The following SLC24A2 variants were observed in gnomAD, a reference collection of about 807,000 sequenced individuals.
SLC24A2 encodes the protein sodium/potassium/calcium exchanger 2.
A neutral mutation model predicts 62.0 loss-of-function variants in SLC24A2; 36 were observed. The observed-to-expected ratio is 0.58, with a 90% CI of 0.44 to 0.77. The LOEUF is 0.77. Among genes scored for constraint, SLC24A2 ranks in the 30% least tolerant of loss-of-function variants. The pLI, the probability that SLC24A2 is intolerant of heterozygous loss-of-function variation, is 0.00. For missense variants in SLC24A2, 846 were observed against 817.9 expected (o/e 1.03, Z -0.42); for synonymous variants, 358 against 294.0 (o/e 1.22, Z -2.23).
At chr9:19,748,498 T>C (rs1267720546) in intron 2 of SLC24A2, among the ~76,000 whole-genome samples, 1 of 152,168 alleles carries the variant, frequency 6.6e-6, no homozygotes. Context: ...ATGAAAGATC[T>C]GTGAGTCACA....
intron 2 of SLC24A2, among the ~76,000 whole-genome samples, chr9:19,770,521 G>T (rs1564091476): frequency 1.3e-5 from 2 of 151,968 alleles, no homozygotes; most frequent in Admixed American, 6.6e-5. Context: ...CTGCAGTTTT[G>T]TTCTAGCATG....
the SLC24A2 span, among the ~76,000 whole-genome samples, chr9:20,111,850 T>A: frequency 0.11 from 17,034 of 152,002 alleles, 1,016 homozygotes; most frequent in Middle Eastern, 0.18. Context: ...CCAAAAAGAT[T>A]AAAAAAAATC....
the SLC24A2 span, among the ~76,000 whole-genome samples, chr9:20,216,137 T>G: frequency 2.6e-5 from 4 of 152,320 alleles, no homozygotes; most frequent in Non-Finnish European, 4.4e-5. Context: ...CTTGCAATAT[T>G]AGCTCCTGAT....
At chr9:19,782,037 G>C (rs1356202600) in intron 2 of SLC24A2, among the ~76,000 whole-genome samples, 3 of 152,192 alleles carry the variant, frequency 2.0e-5, no homozygotes, top group African/African-American at 7.2e-5. Flanking sequence ...AAATTACTAA[G>C]TAGTCTGGCC....
At chr9:20,261,040 G>A in the SLC24A2 span, among the ~76,000 whole-genome samples, 4 of 151,620 alleles carry the variant, frequency 2.6e-5, no homozygotes, top group African/African-American at 9.7e-5. Flanking sequence ...ATTTTTAGTA[G>A]AGACGGGGTT....
At chr9:19,851,474 C>T in the SLC24A2 span, among the ~76,000 whole-genome samples, 1 of 152,242 alleles carries the variant, frequency 6.6e-6, no homozygotes, top group Admixed American at 6.5e-5. Flanking sequence ...TGATGCTCTC[C>T]CATCCCCCAC....
chr9:19,731,089 C>A (rs1463891339), intron 2 of SLC24A2, among the ~76,000 whole-genome samples: 1 of 152,136 alleles, frequency 6.6e-6, no homozygotes, highest in Non-Finnish European at 1.5e-5. Context: ...CAACATAAGG[C>A]AGCTGATAAA....
the SLC24A2 span, among the ~76,000 whole-genome samples, chr9:19,956,281 A>C: frequency 6.6e-6 from 1 of 152,196 alleles, no homozygotes; most frequent in Non-Finnish European, 1.5e-5. Flanking sequence ...TCTGCTCCAT[A>C]ATTTGTTAAT....
At chr9:20,169,250 T>C in the SLC24A2 span, among the ~76,000 whole-genome samples, 3 of 151,908 alleles carry the variant, frequency 2.0e-5, no homozygotes, top group Non-Finnish European at 2.9e-5. Context: ...TGAAAAAGTT[T>C]GGAGTATAGA....
chr9:20,165,167 C>T, the SLC24A2 span, among the ~76,000 whole-genome samples: 2 of 151,648 alleles, frequency 1.3e-5, no homozygotes, highest in African/African-American at 4.8e-5. Flanking sequence ...GAAAATAACA[C>T]GGAAAAGCCT....
intron 5 of SLC24A2, among the ~76,000 whole-genome samples, chr9:19,585,594 G>A (rs927297089): frequency 2.0e-5 from 3 of 152,202 alleles, no homozygotes; most frequent in Admixed American, 2.0e-4. Flanking sequence ...ACAGAGCTAA[G>A]AAAGATATGC....
intron 8 of SLC24A2, among the ~76,000 whole-genome samples, chr9:19,543,331 T>C (rs1217384705): frequency 1.3e-5 from 2 of 152,142 alleles, no homozygotes; most frequent in Non-Finnish European, 2.9e-5. Context: ...TCTTTATTAG[T>C]CTGGCTAGCA....
At chr9:19,680,851 TTGTG>T (rs72142691) in intron 2 of SLC24A2, among the ~76,000 whole-genome samples, 23,711 of 146,748 alleles carry the variant, frequency 0.16, 1,972 homozygotes, top group Non-Finnish European at 0.2. Context: ...TATACCAGAG[TTGTG>T]TGTGTGTGTG....
At chr9:19,763,481 G>T (rs1208949528) in intron 2 of SLC24A2, among the ~76,000 whole-genome samples, 2 of 152,188 alleles carry the variant, frequency 1.3e-5, no homozygotes, top group African/African-American at 4.8e-5. Flanking sequence ...ATTATTTTGA[G>T]ATATGTTCCA....
chr9:19,793,977 T>A (rs552950192), upstream of SLC24A2, among the ~76,000 whole-genome samples: 2 of 152,208 alleles, frequency 1.3e-5, no homozygotes, highest in Non-Finnish European at 2.9e-5. Flanking sequence ...CTGGACTGAT[T>A]TTGTTTGCCT....
At chr9:19,710,855 C>T (rs1483816789) in intron 2 of SLC24A2, among the ~76,000 whole-genome samples, 2 of 152,112 alleles carry the variant, frequency 1.3e-5, no homozygotes, top group African/African-American at 4.8e-5. Context: ...AACACAGGGA[C>T]AAATGATCCT....
rs1485120603 is a variant in SLC24A2 at position 19,516,210 on chromosome 9, G to A, written c.1929C>T (p.Phe643=). The part of the protein sequence containing the change: ...GFIMFGLYFV[F]LVVSVLLEDR... ...CTTCTAGGAGAACGCTCACCACCAG[G>A]AACACAAAGTAGAGGCCAAACATGA... is the stretch of plus-strand genomic sequence containing the variant. Residue 643 remains phenylalanine (F), a synonymous_variant, in exon 11 of 11, where the codon TTC becomes TTT. Transcript: ENST00000341998. 3 of 1,614,162 alleles carry A rather than the reference G, an allele frequency of 1.9e-6. No individual in the cohort carries two copies. Among genetic ancestry groups the A allele is most frequent in the East Asian group, 2.2e-5 (1 of 44,880 alleles).
At chr9:19,905,534 G>A in the SLC24A2 span, among the ~76,000 whole-genome samples, 3 of 151,518 alleles carry the variant, frequency 2.0e-5, no homozygotes, top group Non-Finnish European at 2.9e-5. Flanking sequence ...TCAGCCTCCC[G>A]AGTAGCTGGG....
the SLC24A2 span, among the ~76,000 whole-genome samples, chr9:20,067,516 G>C: frequency 5.9e-5 from 9 of 151,750 alleles, no homozygotes; most frequent in Non-Finnish European, 1.2e-4. Context: ...CAATAGGTAG[G>C]TTTTCTACTC....
Sources: gnomAD v4.1 joint callset for allele counts (sites outside exome capture counted in the v4.1 genomes callset) on GRCh38, gnomAD v4.1.1 for gene constraint, MANE v1.5 for transcripts, NCBI Gene and HGNC (gene_info 2026-07-23, HGNC 2026-07-21) for gene names.